The following PDIA2 variants were observed in gnomAD, a reference collection of about 807,000 sequenced individuals.
PDIA2 encodes the protein protein disulfide isomerase family A member 2.
A neutral mutation model predicts 51.1 loss-of-function variants in PDIA2; 76 were observed. The observed-to-expected ratio is 1.49, with a 90% CI of 1.24 to 1.80. The LOEUF is 1.80. Ranked by LOEUF, PDIA2 falls within the 40% of genes most tolerant of loss-of-function variation. The pLI is 0.00. For synonymous variants in PDIA2, 429 were observed against 309.9 expected, an observed-to-expected ratio of 1.38 and a Z score of -4.04; for missense variants, 946 against 706.5, an observed-to-expected ratio of 1.34 and a Z score of -3.84.
intron 7 of PDIA2, 80 bp from the exon 8 acceptor site, chr16:286,273 C>T (rs1319163046): frequency 1.3e-6 from 1 of 773,650 alleles, no homozygotes; most frequent in Non-Finnish European, 1.7e-6. Context: ...GGACCTCCCC[C>T]CCACCCCCCA....
In PDIA2 at chr16:283,227, T is replaced by C. The variant is rs2141445964; in HGVS notation, c.58T>C (p.Trp20Arg). The C allele has an allele frequency of 6.2e-7, 1 of 1,609,102 alleles. No homozygotes were observed. The highest frequency in any genetic ancestry group is 2.2e-5 in the East Asian group (1 of 44,726). ...GCTGCTGCTCAGGGCTTCGTGCCCA[T>C]GGGGTCAGGAACAGGGAGCGAGGAG... ...LLLLLRASCP[W>R]GQEQGARSPS... Residue 20 changes from tryptophan to arginine, a missense_variant, in exon 1 of 11, where the codon TGG becomes CGG. By Grantham distance (101) the Trp-to-Arg change is moderately radical. Coordinates refer to ENST00000219406, the MANE Select transcript of PDIA2 (RefSeq NM_006849.4).
At position 285,678 on chromosome 16, in the gene PDIA2, AT is replaced by A. The variant is rs1303376495; in HGVS notation, c.1095del (p.His365GlnfsTer13). ...VTAASITAFC[H>X]AVLNGQVKPY... ...GCAGCGTCCATCACTGCTTTCTGCCATGCAGTCCTCAACGGCCAAGTCAAGG... is the reference window on the plus strand; with the variant it reads ...GCAGCGTCCATCACTGCTTTCTGCCAGCAGTCCTCAACGGCCAAGTCAAGG... On this transcript the variant is annotated frameshift_variant, in exon 7 of 11. Transcript: ENST00000219406. LOFTEE classifies it high-confidence loss of function. The A allele has an allele frequency of 3.1e-6, 5 of 1,613,128 alleles. No individual in the cohort carries two copies. In the South Asian group the frequency reaches 5.5e-5, roughly 18 times the overall value.
chr16:283,241 G>C lies in PDIA2; in HGVS notation c.72G>C (p.Gln24His). 6.2e-7 allele frequency: 1 copy of C among 1,610,622 alleles called. No homozygotes were observed. The highest frequency in any genetic ancestry group is 8.5e-7 in the Non-Finnish European group (1 of 1,179,088). ...CTTCGTGCCCATGGGGTCAGGAACAGGGAGCGAGGAGCCCCTCGGAGGAGC... is the reference window on the plus strand; with the variant it reads ...CTTCGTGCCCATGGGGTCAGGAACACGGAGCGAGGAGCCCCTCGGAGGAGC... ...LRASCPWGQE[Q>H]GARSPSEEPP... The change falls in exon 1 of 11, where the codon CAG (glutamine) becomes CAC (histidine). Residue 24 changes from glutamine (Q) to histidine (H), a missense_variant. Coordinates refer to ENST00000219406, the MANE Select transcript of PDIA2 (RefSeq NM_006849.4).
chr16:284,999 T>A lies in PDIA2; in HGVS notation c.662T>A (p.Val221Glu), dbSNP rs376102312. The stretch of plus-strand genomic sequence containing the variant: ...CAGTTTGGCCTCACCAAGGACACTG[T>A]GGTTCTCTTCAAGAAGGTAGGTCAG... ...FQQFGLTKDT[V>E]VLFKKFDEGR... Residue 221 changes from valine to glutamate, a missense_variant, in exon 4 of 11, where the codon GTG becomes GAG. By Grantham distance (121) the Val-to-Glu change is moderately radical. Coordinates refer to ENST00000219406, the MANE Select transcript of PDIA2 (RefSeq NM_006849.4). 66 of 1,613,220 alleles carry A rather than the reference T, an allele frequency of 4.1e-5. No homozygotes were observed. Among genetic ancestry groups the A allele is most frequent in the Non-Finnish European group, 4.7e-5 (56 of 1,180,018 alleles).
chr16:283,594 A>C (rs2052314353), intron 1 of PDIA2, among the ~76,000 whole-genome samples: 1 of 152,034 alleles, frequency 6.6e-6, no homozygotes, highest in African/African-American at 2.4e-5. Context: ...ACTTGAGAAC[A>C]CCTGTGCCTC....
Position 283,393 on chromosome 16 carries a change from G to A in PDIA2, c.199+25G>A, listed in dbSNP as rs751664558. 3.9e-6 allele frequency: 6 copies of A among 1,542,466 alleles called. No homozygotes were observed. In the South Asian group the frequency reaches 6.1e-5, roughly 16 times the overall value. On this transcript the variant is annotated intron_variant, in intron 1 of 10. Coordinates refer to ENST00000219406, the MANE Select transcript of PDIA2 (RefSeq NM_006849.4). ...TGTGAGTGCTGGGGCCAGTGGGGCTGGGGACCGGCGGGGGACCGGCAGAGC... is the reference window on the plus strand; with the variant it reads ...TGTGAGTGCTGGGGCCAGTGGGGCTAGGGACCGGCGGGGGACCGGCAGAGC...
At position 283,228 on chromosome 16, in the gene PDIA2, G is replaced by T; in HGVS notation, c.59G>T (p.Trp20Leu). 6.2e-7 allele frequency: 1 copy of T among 1,609,378 alleles called. No homozygotes were observed. The highest frequency in any genetic ancestry group is 8.5e-7 in the Non-Finnish European group (1 of 1,178,358). ...CTGCTGCTCAGGGCTTCGTGCCCAT[G>T]GGGTCAGGAACAGGGAGCGAGGAGC... ...LLLLLRASCP[W>L]GQEQGARSPS... Residue 20 changes from tryptophan (W) to leucine (L), a missense_variant, in exon 1 of 11, where the codon TGG (tryptophan) becomes TTG (leucine). Transcript: ENST00000219406.
chr16:284,717 C>T lies in PDIA2; in HGVS notation c.465C>T (p.Ala155=), dbSNP rs775255314. 4 of 1,573,982 alleles carry T rather than the reference C, an allele frequency of 2.5e-6. No individual in the cohort carries two copies. Among genetic ancestry groups the T allele is most frequent in the Non-Finnish European group, 3.4e-6 (4 of 1,165,188 alleles). ...EWLRRRVGPS[A]MRLEDEAAAQ... ...TGCGACGGCGGGTGGGGCCCAGTGC[C>T]ATGCGGCTGGAGGACGAGGCGGCCG... Residue 155 remains alanine, a synonymous_variant, in exon 3 of 11, where the codon GCC becomes GCT. Transcript: ENST00000219406.
Position 284,667 on chromosome 16 carries a change from G to A in PDIA2, c.415G>A (p.Asp139Asn), listed in dbSNP as rs760396848. 2 of 1,594,372 alleles carry A rather than the reference G, an allele frequency of 1.3e-6. No individual in the cohort carries two copies. Among genetic ancestry groups the A allele is most frequent in the Admixed American group, 1.7e-5 (1 of 58,282 alleles). ...AGGGGGACTCCCTGCAGGACCACGG[G>A]ACGCTGAGGGCATTGCCGAGTGGCT... ...THPEEYTGPR[D>N]AEGIAEWLRR... is the part of the protein sequence containing the mutation. The change falls in exon 3 of 11, where the codon GAC becomes AAC. Residue 139 changes from aspartate to asparagine, a missense_variant. Asp to Asn is a conservative substitution (Grantham distance 23, BLOSUM62 1). Transcript: ENST00000219406.
At chr16:284,830 A>AG in intron 3 of PDIA2, 38 bp downstream of exon 3, 2 of 1,602,416 alleles carry the variant, frequency 1.2e-6, no homozygotes, top group Non-Finnish European at 1.7e-6. Context: ...CCATGAGGGC[A>AG]GTGACTGTGG....
Position 286,896 on chromosome 16 carries a change from G to T in PDIA2, c.1484G>T (p.Gly495Val), listed in dbSNP as rs1405391445. 3 of 1,603,680 alleles carry T rather than the reference G, an allele frequency of 1.9e-6. No homozygotes were observed. Among genetic ancestry groups the T allele is most frequent in the Non-Finnish European group, 2.5e-6 (3 of 1,176,754 alleles). ...TTCTCCAAGTTCCTGGACAACGGGG[G>T]CGTGCTGCCCACGGAGGAGCCCCCG... ...ETFSKFLDNG[G>V]VLPTEEPPEE... Residue 495 changes from glycine (G) to valine (V), a missense_variant, in exon 10 of 11, where the codon GGC becomes GTC. Gly to Val is a moderately radical substitution (Grantham distance 109). Transcript: ENST00000219406.
Position 285,207 on chromosome 16 carries a change from A to T in PDIA2, c.795+7A>T. On this transcript the variant is annotated splice_region_variant and intron_variant, in intron 5 of 10. Coordinates refer to ENST00000219406, the MANE Select transcript of PDIA2 (RefSeq NM_006849.4). ...CACGGAGTTCAACAGCCAGGTGCGT[A>T]GGCTGCAGTGCCTGGGCTGGGGGTG... The T allele has an allele frequency of 1.2e-6, 2 of 1,612,796 alleles. No homozygotes were observed. Among genetic ancestry groups the T allele is most frequent in the Non-Finnish European group, 1.7e-6 (2 of 1,179,966 alleles).
Position 285,688 on chromosome 16 carries a change from C to T in PDIA2, c.1104C>T (p.Leu368=), listed in dbSNP as rs766264719. 3.1e-6 allele frequency: 5 copies of T among 1,613,018 alleles called. No homozygotes were observed. Among genetic ancestry groups the T allele is most frequent in the African/African-American group, 1.3e-5 (1 of 74,992 alleles). Residue 368 remains leucine (L), a synonymous_variant, in exon 7 of 11, where the codon CTC becomes CTT. Transcript: ENST00000219406. ...ASITAFCHAV[L]NGQVKPYLLS... ...TCACTGCTTTCTGCCATGCAGTCCTCAACGGCCAAGTCAAGGTCCGCTGCA... is the reference window on the plus strand; with the variant it reads ...TCACTGCTTTCTGCCATGCAGTCCTTAACGGCCAAGTCAAGGTCCGCTGCA...
chr16:283,596 C>T (rs1213851851), intron 1 of PDIA2, among the ~76,000 whole-genome samples: 3 of 152,226 alleles, frequency 2.0e-5, no homozygotes, highest in Non-Finnish European at 2.9e-5. Context: ...TTGAGAACAC[C>T]TGTGCCTCCC....
chr16:287,116 G>T lies in PDIA2; in HGVS notation c.*3G>T. On this transcript the variant is annotated 3_prime_UTR_variant, in exon 11 of 11. Transcript: ENST00000219406. ...TGGGGTCCAAGGAGGAACTGTAGCTGCCCCCGTGTCACCCCCGCCATCACT... is the reference window on the plus strand; with the variant it reads ...TGGGGTCCAAGGAGGAACTGTAGCTTCCCCCGTGTCACCCCCGCCATCACT... The T allele has an allele frequency of 6.2e-7, 1 of 1,612,654 alleles. No individual in the cohort carries two copies. Among genetic ancestry groups the T allele is most frequent in the Non-Finnish European group, 8.5e-7 (1 of 1,179,874 alleles).
rs939301090 is a variant in PDIA2, at chr16:285,694, C to T, written c.1110C>T (p.Gly370=). The T allele has an allele frequency of 1.2e-6, 2 of 1,612,882 alleles. No homozygotes were observed. The highest frequency in any genetic ancestry group is 1.7e-6 in the Non-Finnish European group (2 of 1,179,862). The change falls in exon 7 of 11, where the codon GGC becomes GGT. Residue 370 remains glycine (G), a synonymous_variant. Coordinates refer to ENST00000219406, the MANE Select transcript of PDIA2 (RefSeq NM_006849.4). ...ITAFCHAVLN[G]QVKPYLLSQE... Reference sequence around the variant, plus strand: ...CTTTCTGCCATGCAGTCCTCAACGGCCAAGTCAAGGTCCGCTGCAGACTGC... The same window carrying T: ...CTTTCTGCCATGCAGTCCTCAACGGTCAAGTCAAGGTCCGCTGCAGACTGC...
rs916947925 is a variant in PDIA2 at position 284,494 on chromosome 16, C to T, written c.307C>T (p.Pro103Ser). The change falls in exon 2 of 11, where the codon CCC becomes TCC. Residue 103 changes from proline (P) to serine (S), a missense_variant. Coordinates refer to ENST00000219406, the MANE Select transcript of PDIA2 (RefSeq NM_006849.4). ...GGTCACGCTGGCCAAGGTGGATGGG[C>T]CCGCGCAGCGCGAGCTGGCTGAGGA... Reference protein sequence around the residue: ...MVVTLAKVDGPAQRELAEEFG... With the variant: ...MVVTLAKVDGSAQRELAEEFG... 1.2e-6 allele frequency: 2 copies of T among 1,609,838 alleles called. No homozygotes were observed. The highest frequency in any genetic ancestry group is 1.7e-6 in the Non-Finnish European group (2 of 1,178,852).
intron 1 of PDIA2, 81 bp from the exon 2 acceptor site, chr16:284,306 G>T: frequency 7.3e-7 from 1 of 1,367,176 alleles, no homozygotes; most frequent in African/African-American, 1.4e-5. Flanking sequence ...CAGCACGCTT[G>T]TTCCCTGCTG....
Position 286,625 on chromosome 16 carries a change from C to T in PDIA2, c.1312C>T (p.His438Tyr). Residue 438 changes from histidine to tyrosine, a missense_variant, in exon 9 of 11, where the codon CAC becomes TAC. Transcript: ENST00000219406. ...GGCATTGGCTGAGAAGTACCAAGAC[C>T]ACGAGGACATCATCATTGCTGAGCT... is the stretch of plus-strand genomic sequence containing the variant. ...WEALAEKYQD[H>Y]EDIIIAELDA... The T allele has an allele frequency of 6.2e-7, 1 of 1,612,640 alleles. No individual in the cohort carries two copies. Among genetic ancestry groups the T allele is most frequent in the Non-Finnish European group, 8.5e-7 (1 of 1,179,950 alleles).
Sources: gnomAD v4.1 joint callset for allele counts (sites outside exome capture counted in the v4.1 genomes callset) on GRCh38, gnomAD v4.1.1 for gene constraint, MANE v1.5 for transcripts, NCBI Gene and HGNC (gene_info 2026-07-23, HGNC 2026-07-21) for gene names.